Variants in PPARGC1A observed in about 807,000 individuals in gnomAD.
PPARGC1A encodes the protein peroxisome proliferator-activated receptor gamma coactivator 1-alpha.
In PPARGC1A, 25 loss-of-function variants were observed where a neutral mutation model predicts 88.7. The ratio of observed to expected loss-of-function variants is 0.28; its 90% CI spans 0.21 to 0.39. PPARGC1A has a LOEUF of 0.39. Among genes scored for constraint, PPARGC1A ranks in the 10% least tolerant of loss-of-function variants. The probability of loss-of-function intolerance (pLI) is 1.00; values close to 1 mark genes in which losing one functional copy is unlikely to be tolerated. For synonymous variants in PPARGC1A, 363 were observed against 355.6 expected, an observed-to-expected ratio of 1.02 and a Z score of -0.24; for missense variants, 880 against 968.7, an observed-to-expected ratio of 0.91 and a Z score of 1.22.
chr4:23,839,921 C>G lies in PPARGC1A; in HGVS notation c.235-8170G>C, dbSNP rs554408304. 4.7e-4 allele frequency among the ~76,000 whole-genome samples: 72 copies of G among 152,174 alleles called. No individual in the cohort carries two copies. In the South Asian group the frequency reaches 0.015, roughly 31 times the overall value. On this transcript the variant is annotated intron_variant, in intron 2 of 12. Coordinates refer to ENST00000264867, the MANE Select transcript of PPARGC1A (RefSeq NM_013261.5). ...CGCTCTCATAATTCAGTCATCTCCC[C>G]CGAGGTCCCTCCCACAACACATGGG...
chr4:23,898,845 T>C (rs1199750403), intron 1 of PPARGC1A, among the ~76,000 whole-genome samples: 1 of 151,574 alleles, frequency 6.6e-6, no homozygotes, highest in East Asian at 1.9e-4. Context: ...TTTTTTTTTT[T>C]TTTTTTTTGA....
At chr4:24,047,161 G>A in the PPARGC1A span, among the ~76,000 whole-genome samples, 71 of 152,178 alleles carry the variant, frequency 4.7e-4, no homozygotes, top group African/African-American at 1.6e-3. Context: ...AAACTCAATC[G>A]TTCCTCCTGG....
chr4:23,913,104 C>T, the PPARGC1A span, among the ~76,000 whole-genome samples: 5 of 149,630 alleles, frequency 3.3e-5, no homozygotes, highest in Non-Finnish European at 7.4e-5. Context: ...CGCACCTGGC[C>T]ACATGAACTA....
the PPARGC1A span, among the ~76,000 whole-genome samples, chr4:23,918,237 T>TG: frequency 6.6e-6 from 1 of 151,972 alleles, no homozygotes; most frequent in Non-Finnish European, 1.5e-5. Flanking sequence ...TTCTTTTTTT[T>TG]GGGGGGATGG....
the PPARGC1A span, among the ~76,000 whole-genome samples, chr4:24,313,546 T>C: frequency 6.6e-6 from 1 of 152,238 alleles, no homozygotes; most frequent in Admixed American, 6.5e-5. Flanking sequence ...ATTCAGTTTC[T>C]ATGGTAGACT....
chr4:24,133,181 C>T, the PPARGC1A span, among the ~76,000 whole-genome samples: 2 of 152,024 alleles, frequency 1.3e-5, no homozygotes, highest in African/African-American at 2.4e-5. Flanking sequence ...CTGGTGGTTT[C>T]CCCCCTGGGG....
chr4:24,237,995 T>C, the PPARGC1A span, among the ~76,000 whole-genome samples: 50 of 152,276 alleles, frequency 3.3e-4, no homozygotes, highest in South Asian at 9.1e-3. Flanking sequence ...AGTGCTAATA[T>C]AGCTTCCACG....
At chr4:24,394,140 G>A in the PPARGC1A span, among the ~76,000 whole-genome samples, 1 of 152,170 alleles carries the variant, frequency 6.6e-6, no homozygotes, top group Admixed American at 6.5e-5. Context: ...ATGTCAATAT[G>A]TTAATGACTC....
chr4:23,841,240 T>G (rs989628791), intron 2 of PPARGC1A, among the ~76,000 whole-genome samples: 8 of 152,048 alleles, frequency 5.3e-5, no homozygotes, highest in African/African-American at 1.9e-4. Flanking sequence ...GAGTATTGAC[T>G]CTCTAGTCAA....
At chr4:24,283,457 C>T in the PPARGC1A span, among the ~76,000 whole-genome samples, 3 of 152,130 alleles carry the variant, frequency 2.0e-5, no homozygotes, top group African/African-American at 4.8e-5. Context: ...AGGGAACAAA[C>T]GAAGGAAACG....
At chr4:23,968,911 CCAAAACAAAA>C in the PPARGC1A span, among the ~76,000 whole-genome samples, 58 of 150,890 alleles carry the variant, frequency 3.8e-4, no homozygotes, top group African/African-American at 1.2e-3. Flanking sequence ...AAACTCCATC[CCAAAACAAAA>C]CAAAACAAAA....
chr4:24,430,178 A>G, the PPARGC1A span, among the ~76,000 whole-genome samples: 3 of 152,022 alleles, frequency 2.0e-5, no homozygotes, highest in Admixed American at 6.5e-5. Flanking sequence ...ACACGCAAGT[A>G]TCTATAACAG....
At chr4:24,390,401 G>T in the PPARGC1A span, among the ~76,000 whole-genome samples, 6 of 151,462 alleles carry the variant, frequency 4.0e-5, no homozygotes, top group Non-Finnish European at 8.8e-5. Context: ...TTAGTTTTTT[G>T]GAACTATATA....
At chr4:24,253,624 G>A in the PPARGC1A span, among the ~76,000 whole-genome samples, 4 of 152,218 alleles carry the variant, frequency 2.6e-5, no homozygotes, top group Admixed American at 6.5e-5. Flanking sequence ...AACAGGGCCT[G>A]GGCCATGGAG....
At chr4:24,260,452 CAG>C in the PPARGC1A span, among the ~76,000 whole-genome samples, 1 of 152,316 alleles carries the variant, frequency 6.6e-6, no homozygotes, top group South Asian at 2.1e-4. Flanking sequence ...CTTCGCCAGT[CAG>C]AATTTTTTCC....
the PPARGC1A span, among the ~76,000 whole-genome samples, chr4:24,440,988 C>G: frequency 6.6e-6 from 1 of 152,190 alleles, no homozygotes; most frequent in Non-Finnish European, 1.5e-5. Flanking sequence ...GCAGCTGCTT[C>G]CCCCAGAAAA....
At chr4:24,227,949 G>T in the PPARGC1A span, among the ~76,000 whole-genome samples, 1 of 152,170 alleles carries the variant, frequency 6.6e-6, no homozygotes, top group Non-Finnish European at 1.5e-5. Context: ...AGATTTCCCT[G>T]GGAAACAGCT....
chr4:24,399,067 A>G, the PPARGC1A span, among the ~76,000 whole-genome samples: 1 of 152,198 alleles, frequency 6.6e-6, no homozygotes, highest in African/African-American at 2.4e-5. Flanking sequence ...CCCACACTGC[A>G]AGGGCCCAAA....
chr4:24,020,126 C>CTTCCCT, the PPARGC1A span, among the ~76,000 whole-genome samples: 1 of 152,152 alleles, frequency 6.6e-6, no homozygotes, highest in African/African-American at 2.4e-5. Context: ...ATCTTGGCTT[C>CTTCCCT]TTCCCTTTCA....
Sources: gnomAD v4.1 joint callset for allele counts (sites outside exome capture counted in the v4.1 genomes callset) on GRCh38, gnomAD v4.1.1 for gene constraint, MANE v1.5 for transcripts, NCBI Gene and HGNC (gene_info 2026-07-23, HGNC 2026-07-21) for gene names.